GOLM1: variants seen among roughly 807,000 people sequenced by gnomAD.
The protein encoded by GOLM1 is epididymis luminal protein 46.
In GOLM1, 31 loss-of-function variants were observed where a neutral mutation model predicts 50.5. The observed-to-expected ratio is 0.61, with a 90% CI of 0.46 to 0.83. GOLM1 has a LOEUF of 0.83. Ranked by LOEUF, GOLM1 falls within the 40% of genes least tolerant of loss-of-function variation. GOLM1 has a pLI of 0.00. For missense variants in GOLM1, 491 were observed against 501.3 expected (o/e 0.98, Z 0.20); for synonymous variants, 178 against 192.8 (o/e 0.92, Z 0.64).
intron 9 of GOLM1, among the ~76,000 whole-genome samples, chr9:86,029,638 T>TA (rs1832908365): frequency 6.6e-6 from 1 of 152,006 alleles, no homozygotes; most frequent in Non-Finnish European, 1.5e-5. Context: ...AGGCTCTTAA[T>TA]AAAGTTGGAG....
intron 6 of GOLM1, among the ~76,000 whole-genome samples, chr9:86,039,485 A>G (rs965083551): frequency 6.6e-6 from 1 of 152,232 alleles, no homozygotes; most frequent in Admixed American, 6.5e-5. Flanking sequence ...TGACCACACA[A>G]AAGCTTCATG....
intron 1 of GOLM1, among the ~76,000 whole-genome samples, chr9:86,086,019 T>G (rs1382642366): frequency 6.6e-6 from 1 of 152,230 alleles, no homozygotes; most frequent in Admixed American, 6.5e-5. Context: ...AAATGGTATT[T>G]CTAGTTCTAG....
intron 6 of GOLM1, among the ~76,000 whole-genome samples, chr9:86,038,357 C>G (rs535086403): frequency 6.6e-6 from 1 of 152,120 alleles, no homozygotes; most frequent in African/African-American, 2.4e-5. Flanking sequence ...GGCCAGAGTG[C>G]TCTATTCTCC....
In GOLM1 at chr9:86,027,090, G is replaced by C. The variant is rs1324383964; in HGVS notation, c.*727C>G. On this transcript the variant is annotated 3_prime_UTR_variant, in exon 10 of 10. Coordinates refer to ENST00000388712, the MANE Select transcript of GOLM1 (RefSeq NM_016548.4). Reference sequence around the variant, plus strand: ...TTCTTGGTAATATATATTTAGGGAAGATGTTGCTTTGCCCACACACGAAGC... The same window carrying C: ...TTCTTGGTAATATATATTTAGGGAACATGTTGCTTTGCCCACACACGAAGC... 1.0e-6 allele frequency: 1 copy of C among 985,074 alleles called. No individual in the cohort carries two copies. The highest frequency in any genetic ancestry group is 1.7e-5 in the African/African-American group (1 of 57,208). 61.0% of individuals were successfully genotyped at this position (985,074 alleles called of 1,614,324 possible).
rs1256397533 is a variant in GOLM1, at chr9:86,042,096, G to A, written c.468-1228C>T. 3.9e-5 allele frequency among the ~76,000 whole-genome samples: 6 copies of A among 152,292 alleles called. No individual in the cohort carries two copies. In the East Asian group the frequency reaches 7.7e-4, roughly 20 times the overall value. On this transcript the variant is annotated intron_variant, in intron 5 of 9. Coordinates refer to ENST00000388712, the MANE Select transcript of GOLM1 (RefSeq NM_016548.4). ...CGCGCCACTGCACTCCAGCCTGGGC[G>A]ACAGAGCGAGACTCCGTCTCAAAAA... is the stretch of plus-strand genomic sequence containing the variant.
intron 1 of GOLM1, among the ~76,000 whole-genome samples, chr9:86,098,455 T>C (rs1465335119): frequency 6.6e-6 from 1 of 152,184 alleles, no homozygotes. Flanking sequence ...TTATTGTGTA[T>C]CTCACTAATC....
In GOLM1 at chr9:86,026,999, C is replaced by T. The variant is rs1832806703; in HGVS notation, c.*818G>A. On this transcript the variant is annotated 3_prime_UTR_variant, in exon 10 of 10. Coordinates refer to ENST00000388712, the MANE Select transcript of GOLM1 (RefSeq NM_016548.4). ...CTCTCATGCCTTGCCTCTCACCATG[C>T]TCTGCTCCAGGTCAGCCCCCTTTTG... 4.1e-6 allele frequency: 4 copies of T among 985,294 alleles called. No homozygotes were observed. The South Asian group carries it at 1.9e-4, about 46-fold the overall frequency. The allele number at this position is 985,294 out of a possible 1,614,324, so 61.0% of individuals were successfully genotyped here.
intron 1 of GOLM1, among the ~76,000 whole-genome samples, chr9:86,097,778 C>T (rs781753217): frequency 1.3e-5 from 2 of 152,172 alleles, no homozygotes; most frequent in Non-Finnish European, 2.9e-5. Flanking sequence ...ATAAGGGTAG[C>T]AGTTCCCTCC....
chr9:86,047,946 G>A (rs910271201), intron 4 of GOLM1, among the ~76,000 whole-genome samples: 6 of 152,034 alleles, frequency 3.9e-5, no homozygotes, highest in Non-Finnish European at 7.4e-5. Context: ...TGTTACATAT[G>A]TATACATGTG....
At chr9:86,082,207 T>C (rs898714971) in intron 1 of GOLM1, among the ~76,000 whole-genome samples, 3 of 151,460 alleles carry the variant, frequency 2.0e-5, no homozygotes, top group African/African-American at 7.3e-5. Context: ...TTTTTGTAGT[T>C]TTAGTAGAGA....
At chr9:86,047,278 G>A (rs531203188) in intron 4 of GOLM1, among the ~76,000 whole-genome samples, 74 of 152,348 alleles carry the variant, frequency 4.9e-4, no homozygotes, top group African/African-American at 1.7e-3. Context: ...ACCACAGTGG[G>A]CGGCAGCAGC....
At position 86,040,868 on chromosome 9, in the gene GOLM1, C is replaced by T. The variant is rs1833321984; in HGVS notation, c.468G>A (p.Leu156=). ...TNLERKFSYD[L]SQCINQMKEV... is the part of the protein sequence containing the mutation. ...CCTTCATCTGATTGATGCACTGGCT[C>T]CTTTGGTGAAAGAAAGCAAAGGAAG... The change falls in exon 6 of 10, where the codon CTG becomes CTA. Residue 156 remains leucine (L), a splice_region_variant and synonymous_variant. Coordinates refer to ENST00000388712, the MANE Select transcript of GOLM1 (RefSeq NM_016548.4). 3 of 1,613,354 alleles carry T rather than the reference C, an allele frequency of 1.9e-6. No individual in the cohort carries two copies. Among genetic ancestry groups the T allele is most frequent in the Non-Finnish European group, 1.7e-6 (2 of 1,179,772 alleles).
At chr9:86,092,778 T>C (rs530017575) in intron 1 of GOLM1, among the ~76,000 whole-genome samples, 1 of 152,302 alleles carries the variant, frequency 6.6e-6, no homozygotes, top group East Asian at 1.9e-4. Flanking sequence ...TGATCAAGAC[T>C]GATGAAGGCT....
intron 3 of GOLM1, among the ~76,000 whole-genome samples, chr9:86,053,420 AACCAC>A (rs949878379): frequency 5.3e-4 from 49 of 91,926 alleles, no homozygotes; most frequent in Non-Finnish European, 3.7e-4. Context: ...CTTCACACCA[AACCAC>A]ACCACACCAC....
At chr9:86,059,102 A>G (rs2118775149) in intron 3 of GOLM1, among the ~76,000 whole-genome samples, 1 of 152,334 alleles carries the variant, frequency 6.6e-6, no homozygotes, top group East Asian at 1.9e-4. Context: ...ACAGTGGCTA[A>G]GAATGTAAAA....
In GOLM1 at chr9:86,099,527, A is replaced by G. The variant is rs905957627; in HGVS notation, c.-138T>C. On this transcript the variant is annotated 5_prime_UTR_variant, in exon 1 of 10. Coordinates refer to ENST00000388712, the MANE Select transcript of GOLM1 (RefSeq NM_016548.4). ...CCGGCCGGCTCCGCGCCGTGCGCCC[A>G]GCGCCTCCGCGTCCAGCGCCGCCGC... 2.7e-5 allele frequency: 4 copies of G among 147,346 alleles called. No homozygotes were observed. Among genetic ancestry groups the G allele is most frequent in the African/African-American group, 7.4e-5 (3 of 40,676 alleles). The allele number at this position is 147,346 out of a possible 1,614,324, so 9.1% of individuals were successfully genotyped here.
intron 3 of GOLM1, among the ~76,000 whole-genome samples, chr9:86,053,108 C>CCA (rs376876616): frequency 0.074 from 5,639 of 76,118 alleles, 370 homozygotes; most frequent in African/African-American, 0.22. Context: ...CAACTCCACA[C>CCA]CACACACACC....
At position 86,026,976 on chromosome 9, in the gene GOLM1, C is replaced by G. The variant is rs1832805900; in HGVS notation, c.*841G>C. 1.0e-6 allele frequency: 1 copy of G among 985,296 alleles called. No individual in the cohort carries two copies. The highest frequency in any genetic ancestry group is 4.7e-5 in the South Asian group (1 of 21,284). The allele number at this position is 985,296 out of a possible 1,614,324, so 61.0% of individuals were successfully genotyped here. ...GATCTGTCCACAACAAACTTGCCCT[C>G]TCATGCCTTGCCTCTCACCATGCTC... On this transcript the variant is annotated 3_prime_UTR_variant, in exon 10 of 10. Transcript: ENST00000388712.
At chr9:86,069,157 G>A (rs974887620) in intron 3 of GOLM1, among the ~76,000 whole-genome samples, 5 of 151,806 alleles carry the variant, frequency 3.3e-5, no homozygotes, top group African/African-American at 7.3e-5. Context: ...TTAAAGAAAG[G>A]GAGTGGAGAG....
Sources: allele counts gnomAD v4.1 joint callset (sites outside exome capture counted in the v4.1 genomes callset), GRCh38; gene constraint gnomAD v4.1.1; transcripts MANE v1.5; gene names NCBI Gene and HGNC (gene_info 2026-07-23, HGNC 2026-07-21).